The following SLC25A48 variants were observed in gnomAD, a reference collection of about 807,000 sequenced individuals.
SLC25A48 encodes the protein solute carrier family 25 member 48, also known as CTC-321K16.1.
In SLC25A48, 29 loss-of-function variants were observed where a neutral mutation model predicts 32.2. That is an observed-to-expected ratio of 0.90 (90% confidence interval 0.67 to 1.23). The LOEUF (loss-of-function observed/expected upper bound fraction) is 1.23. Among genes scored for constraint, SLC25A48 ranks in the 50% most tolerant of loss-of-function variants. The pLI is 0.00. For synonymous variants in SLC25A48, 164 were observed against 172.3 expected (o/e 0.95, Z 0.38); for missense variants, 399 against 422.7 (o/e 0.94, Z 0.49).
At chr5:135,857,539 TGATAGTTATGCACCTACTGG>T in intron 4 of SLC25A48, among the ~76,000 whole-genome samples, 1 of 152,214 alleles carries the variant, frequency 6.6e-6, no homozygotes, top group Non-Finnish European at 1.5e-5. Context: ...ATCTCCAAGA[TGATAGTTATGCACCTACTGG>T]GTGCCAGGCA....
At chr5:135,631,465 G>A (rs1189732943) in intron 2 of SLC25A48, among the ~76,000 whole-genome samples, 2 of 152,202 alleles carry the variant, frequency 1.3e-5, no homozygotes, top group African/African-American at 4.8e-5. Context: ...CATCTGTTTG[G>A]CAGCTCAAGA....
intron 3 of SLC25A48, among the ~76,000 whole-genome samples, chr5:135,670,081 T>A (rs1333369901): frequency 6.6e-6 from 1 of 152,150 alleles, no homozygotes; most frequent in African/African-American, 2.4e-5. Context: ...TCTTAGTAAA[T>A]CGTTGTAGAA....
At chr5:135,799,823 A>G (rs1277026985) in intron 3 of SLC25A48, among the ~76,000 whole-genome samples, 1 of 151,682 alleles carries the variant, frequency 6.6e-6, no homozygotes, top group Admixed American at 6.6e-5. Context: ...GGCATTACTT[A>G]CAATATCGCA....
intron 4 of SLC25A48, among the ~76,000 whole-genome samples, chr5:135,818,894 C>T (rs1483535826): frequency 1.3e-5 from 2 of 151,082 alleles, no homozygotes; most frequent in African/African-American, 4.9e-5. Flanking sequence ...AAAAAAAAAC[C>T]AAATGAAAAT....
chr5:135,784,888 A>C (rs1309435210), intron 3 of SLC25A48, among the ~76,000 whole-genome samples: 1 of 119,200 alleles, frequency 8.4e-6, no homozygotes, highest in Admixed American at 8.6e-5. Flanking sequence ...AAAGAGGATG[A>C]TATTACAAGC....
chr5:135,846,698 AG>A (rs1759451279), intron 2 of SLC25A48, among the ~76,000 whole-genome samples: 1 of 152,162 alleles, frequency 6.6e-6, no homozygotes, highest in Non-Finnish European at 1.5e-5. Context: ...TATTGCATGA[AG>A]GGCCATGATC....
At chr5:135,772,345 T>A (rs62365712) in intron 3 of SLC25A48, among the ~76,000 whole-genome samples, 60,711 of 150,862 alleles carry the variant, frequency 0.4, 14,117 homozygotes, top group Non-Finnish European at 0.52. Context: ...AAAGAGATGA[T>A]CATATTACTC....
intron 3 of SLC25A48, among the ~76,000 whole-genome samples, chr5:135,809,568 C>T (rs1757548473): frequency 1.3e-5 from 2 of 152,116 alleles, no homozygotes; most frequent in Admixed American, 6.5e-5. Context: ...AATGTGTAAC[C>T]AACACAATTA....
intron 1 of SLC25A48, among the ~76,000 whole-genome samples, chr5:135,593,406 A>T (rs1751572092): frequency 6.6e-6 from 1 of 152,230 alleles, no homozygotes. Flanking sequence ...TCTTAACCTC[A>T]GGTCAACACT....
At position 135,802,371 on chromosome 5, in the gene SLC25A48, A is replaced by T. The variant is rs184853664; in HGVS notation, c.-520-10152A>T. Among the ~76,000 whole-genome samples, 865 of 151,618 alleles carry T rather than the reference A, an allele frequency of 5.7e-3. 3 individuals carry two copies. Among genetic ancestry groups the T allele is most frequent in the Non-Finnish European group, 8.0e-3 (545 of 67,734 alleles). ...ATTATTTGTAATATCCTGGAAAAAT[A>T]TTACTCCTATTAACACTGTGAATGT... On this transcript the variant is annotated intron_variant, in intron 3 of 10. Transcript: ENST00000646290.
intron 2 of SLC25A48, among the ~76,000 whole-genome samples, chr5:135,630,272 T>C (rs1752526034): frequency 6.6e-6 from 1 of 152,148 alleles, no homozygotes; most frequent in Non-Finnish European, 1.5e-5. Context: ...TCTGCTGTAA[T>C]CCCAGGAGGC....
chr5:135,715,469 C>T (rs1346303855), intron 3 of SLC25A48, among the ~76,000 whole-genome samples: 1 of 152,164 alleles, frequency 6.6e-6, no homozygotes, highest in Non-Finnish European at 1.5e-5. Context: ...CTTTAGTGGC[C>T]TTTCCCACCC....
chr5:135,745,929 C>T (rs1197144264), intron 3 of SLC25A48, among the ~76,000 whole-genome samples: 1 of 152,184 alleles, frequency 6.6e-6, no homozygotes, highest in Non-Finnish European at 1.5e-5. Flanking sequence ...TCTCTGTGGT[C>T]AGTTATTGTC....
In SLC25A48 at chr5:135,778,608, A is replaced by G. The variant is rs1271717305; in HGVS notation, c.-520-33915A>G. 2.7e-5 allele frequency among the ~76,000 whole-genome samples: 4 copies of G among 150,714 alleles called. No individual in the cohort carries two copies. The East Asian group carries it at 8.1e-4, about 31-fold the overall frequency. On this transcript the variant is annotated intron_variant, in intron 3 of 10. Coordinates refer to the SLC25A48 transcript ENST00000646290. Reference sequence around the variant, plus strand: ...TAACTCCCAATATTTCAGGCGGTGTACACCCCTTCCAAGATACTGTTCTTA... The same window carrying G: ...TAACTCCCAATATTTCAGGCGGTGTGCACCCCTTCCAAGATACTGTTCTTA...
At chr5:135,755,463 A>T (rs1334602237) in intron 3 of SLC25A48, among the ~76,000 whole-genome samples, 1 of 151,992 alleles carries the variant, frequency 6.6e-6, no homozygotes, top group Non-Finnish European at 1.5e-5. Context: ...TTAAGTAAAT[A>T]TTGCTGTGAT....
chr5:135,808,135 T>C (rs1757506573), intron 3 of SLC25A48, among the ~76,000 whole-genome samples: 1 of 151,038 alleles, frequency 6.6e-6, no homozygotes, highest in African/African-American at 2.4e-5. Flanking sequence ...AAACTAGATA[T>C]TTTAAATGTC....
At chr5:135,787,759 C>A (rs371959668) in intron 3 of SLC25A48, among the ~76,000 whole-genome samples, 1 of 151,646 alleles carries the variant, frequency 6.6e-6, no homozygotes, top group South Asian at 2.1e-4. Context: ...GAGGTGTACA[C>A]GCTGTGATAT....
At chr5:135,642,867 TAG>T (rs1383518141) in intron 3 of SLC25A48, among the ~76,000 whole-genome samples, 1 of 151,762 alleles carries the variant, frequency 6.6e-6, no homozygotes, top group African/African-American at 2.4e-5. Context: ...TGCTCAAGAG[TAG>T]AGAGAAAAGG....
chr5:135,798,688 G>T (rs946491469), intron 3 of SLC25A48, among the ~76,000 whole-genome samples: 2 of 151,302 alleles, frequency 1.3e-5, no homozygotes, highest in East Asian at 3.9e-4. Context: ...TCCCTAAATC[G>T]CAGGGGGTGT....
Sources: allele counts gnomAD v4.1 joint callset (sites outside exome capture counted in the v4.1 genomes callset), GRCh38; gene constraint gnomAD v4.1.1; transcripts MANE v1.5; gene names NCBI Gene and HGNC (gene_info 2026-07-23, HGNC 2026-07-21).